The following TLL2 variants were observed in gnomAD, a reference collection of about 807,000 sequenced individuals.
TLL2 encodes the protein tolloid-like protein 2.
A neutral mutation model predicts 123.0 loss-of-function variants in TLL2; 106 were observed. The ratio of observed to expected loss-of-function variants is 0.86; its 90% CI spans 0.74 to 1.01. TLL2 has a LOEUF of 1.01. Among genes scored for constraint, TLL2 ranks in the 50% least tolerant of loss-of-function variants. The pLI is 0.00. For synonymous variants in TLL2, 494 were observed against 516.8 expected (o/e 0.96, Z 0.60); for missense variants, 1,332 against 1,336.7 (o/e 1.00, Z 0.06).
chr10:96,423,398 G>A (rs974000346), intron 5 of TLL2, among the ~76,000 whole-genome samples: 6 of 152,142 alleles, frequency 3.9e-5, no homozygotes, highest in African/African-American at 1.2e-4. Context: ...CGGGAAGGAG[G>A]CAGATGAGTG....
At position 96,395,279 on chromosome 10, in the gene TLL2, T is replaced by C; in HGVS notation, c.1634A>G (p.Glu545Gly). The C allele has an allele frequency of 6.2e-7, 1 of 1,614,046 alleles. No individual in the cohort carries two copies. The highest frequency in any genetic ancestry group is 8.5e-7 in the Non-Finnish European group (1 of 1,180,008). Residue 545 changes from glutamate (E) to glycine (G), a missense_variant, in exon 13 of 21, where the codon GAG (glutamate) becomes GGG (glycine). Coordinates refer to ENST00000357947, the MANE Select transcript of TLL2 (RefSeq NM_012465.4). Reference sequence around the variant, plus strand: ...TCTGTTGGAGCTCGATTTCACATCCTCCGGCTTCTCATAGCCACAAAAGTG... The same window carrying C: ...TCTGTTGGAGCTCGATTTCACATCCCCCGGCTTCTCATAGCCACAAAAGTG... Reference protein sequence around the residue: ...IGHFCGYEKPEDVKSSSNRLW... With the variant: ...IGHFCGYEKPGDVKSSSNRLW...
intron 19 of TLL2, 47 bp from the exon 20 acceptor site, chr10:96,370,362 G>T: frequency 6.6e-7 from 1 of 1,505,478 alleles, no homozygotes; most frequent in Non-Finnish European, 8.9e-7. Flanking sequence ...AGACACCCTC[G>T]TGCCTCCCGC....
chr10:96,478,479 T>C (rs9663948), intron 2 of TLL2, among the ~76,000 whole-genome samples: 117,495 of 152,156 alleles, frequency 0.77, 45,455 homozygotes, highest in Middle Eastern at 0.9. Flanking sequence ...CCCCCACTCC[T>C]GGGCACAGGC....
intron 2 of TLL2, among the ~76,000 whole-genome samples, chr10:96,446,693 G>A (rs991729031): frequency 6.6e-6 from 1 of 152,182 alleles, no homozygotes; most frequent in Non-Finnish European, 1.5e-5. Flanking sequence ...GGAACCTACT[G>A]TGTTGACCTT....
chr10:96,465,762 G>A (rs1847124230), intron 2 of TLL2, among the ~76,000 whole-genome samples: 1 of 152,210 alleles, frequency 6.6e-6, no homozygotes, highest in African/African-American at 2.4e-5. Flanking sequence ...GAAGTGAACG[G>A]GGTTGGGTGT....
chr10:96,372,540 A>G (rs1299958087), intron 19 of TLL2, among the ~76,000 whole-genome samples: 1 of 152,258 alleles, frequency 6.6e-6, no homozygotes, highest in African/African-American at 2.4e-5. Flanking sequence ...TTAACGAAGT[A>G]GATAATATAA....
At chr10:96,457,239 C>A (rs1847025855) in intron 2 of TLL2, among the ~76,000 whole-genome samples, 1 of 152,126 alleles carries the variant, frequency 6.6e-6, no homozygotes, top group African/African-American at 2.4e-5. Flanking sequence ...TGGCCAGGAC[C>A]ACAGCTGAAC....
intron 15 of TLL2, 97 bp from the exon 16 acceptor site, chr10:96,384,864 C>T: frequency 1.6e-6 from 2 of 1,229,720 alleles, no homozygotes; most frequent in South Asian, 1.8e-5. Context: ...CCTCACCCTA[C>T]CGTGTGTGGC....
chr10:96,407,826 C>CGTG (rs1846465347), intron 9 of TLL2, among the ~76,000 whole-genome samples: 1 of 152,160 alleles, frequency 6.6e-6, no homozygotes. Flanking sequence ...TGCGCGCACG[C>CGTG]GTGGGTGCAT....
intron 10 of TLL2, among the ~76,000 whole-genome samples, chr10:96,404,331 T>C (rs1589413740): frequency 6.6e-6 from 1 of 152,206 alleles, no homozygotes; most frequent in East Asian, 1.9e-4. Flanking sequence ...CTCAAAGCTC[T>C]AAGCTAACTT....
rs183015733 is a variant in TLL2 at position 96,462,004 on chromosome 10, G to A, written c.287-15836C>T. ...CACCCACACGGTGTTCACAGCAGAC[G>A]CTTACAAAATATGTCCAGGTGAAGT... On this transcript the variant is annotated intron_variant, in intron 2 of 20. Coordinates refer to ENST00000357947, the MANE Select transcript of TLL2 (RefSeq NM_012465.4). 3.3e-5 allele frequency among the ~76,000 whole-genome samples: 5 copies of A among 152,384 alleles called. No homozygotes were observed. The East Asian group carries it at 5.8e-4, about 18-fold the overall frequency.
intron 2 of TLL2, among the ~76,000 whole-genome samples, chr10:96,461,587 T>A (rs1847082300): frequency 6.6e-6 from 1 of 152,202 alleles, no homozygotes. Context: ...CAGTTCTCAC[T>A]GCCAAATTCT....
chr10:96,417,966 T>C (rs1846580904), intron 7 of TLL2, among the ~76,000 whole-genome samples: 1 of 152,220 alleles, frequency 6.6e-6, no homozygotes, highest in South Asian at 2.1e-4. Context: ...GTAGCTAATG[T>C]AACACTAGCA....
intron 2 of TLL2, among the ~76,000 whole-genome samples, chr10:96,466,135 G>A (rs182821707): frequency 6.6e-6 from 1 of 152,300 alleles, no homozygotes; most frequent in East Asian, 1.9e-4. Context: ...GTCCAGGGAT[G>A]AAAGAAGAGA....
chr10:96,455,718 T>C (rs1270038876), intron 2 of TLL2, among the ~76,000 whole-genome samples: 1 of 152,278 alleles, frequency 6.6e-6, no homozygotes, highest in African/African-American at 2.4e-5. Context: ...TTGTTTAGCA[T>C]ATTATCAAGA....
chr10:96,406,501 C>T (rs1194512149), intron 9 of TLL2, among the ~76,000 whole-genome samples: 1 of 152,152 alleles, frequency 6.6e-6, no homozygotes, highest in Non-Finnish European at 1.5e-5. Context: ...AGCATCTCCA[C>T]TCACTGCCCC....
At chr10:96,456,457 C>T (rs1022335808) in intron 2 of TLL2, among the ~76,000 whole-genome samples, 4 of 152,154 alleles carry the variant, frequency 2.6e-5, no homozygotes, top group African/African-American at 9.7e-5. Flanking sequence ...CCTGAGTCCA[C>T]AGAGAAGCTG....
At chr10:96,463,292 C>A (rs1057162689) in intron 2 of TLL2, among the ~76,000 whole-genome samples, 1 of 152,134 alleles carries the variant, frequency 6.6e-6, no homozygotes, top group African/African-American at 2.4e-5. Context: ...AGCAAACGAA[C>A]GCAGCAAACG....
At chr10:96,500,681 G>A (rs1261421834) in intron 1 of TLL2, among the ~76,000 whole-genome samples, 1 of 152,060 alleles carries the variant, frequency 6.6e-6, no homozygotes, top group African/African-American at 2.4e-5. Flanking sequence ...CAGGTACTCA[G>A]GAGGTTAAGT....
Sources: allele counts gnomAD v4.1 joint callset (sites outside exome capture counted in the v4.1 genomes callset), GRCh38; gene constraint gnomAD v4.1.1; transcripts MANE v1.5; gene names NCBI Gene and HGNC (gene_info 2026-07-23, HGNC 2026-07-21).